Variants in SEMA3A observed in about 807,000 individuals in gnomAD.
The protein encoded by SEMA3A is semaphorin 3A.
In SEMA3A, 29 loss-of-function variants were observed where a neutral mutation model predicts 97.9. The ratio of observed to expected loss-of-function variants is 0.30; its 90% CI spans 0.22 to 0.40. The LOEUF (loss-of-function observed/expected upper bound fraction) is 0.40. Ranked by LOEUF, SEMA3A falls within the 10% of genes least tolerant of loss-of-function variation. The pLI, the probability that SEMA3A is intolerant of heterozygous loss-of-function variation, is 1.00. For missense variants in SEMA3A, 763 were observed against 951.3 expected, an observed-to-expected ratio of 0.80 and a Z score of 2.60; for synonymous variants, 321 against 323.7, an observed-to-expected ratio of 0.99 and a Z score of 0.09.
At chr7:84,215,697 C>G (rs774577844) in intron 3 of SEMA3A, among the ~76,000 whole-genome samples, 5 of 152,158 alleles carry the variant, frequency 3.3e-5, no homozygotes, top group Non-Finnish European at 7.3e-5. Context: ...ATTCCATATT[C>G]CTAGCATTTG....
chr7:83,994,704 C>G (rs1164855187), intron 12 of SEMA3A, among the ~76,000 whole-genome samples: 1 of 148,478 alleles, frequency 6.7e-6, no homozygotes, highest in Non-Finnish European at 1.5e-5. Flanking sequence ...CTGGGAGAAC[C>G]ACTGCTCTCT....
intron 10 of SEMA3A, among the ~76,000 whole-genome samples, chr7:84,006,667 TTAAA>T (rs1328331985): frequency 6.6e-6 from 1 of 152,214 alleles, no homozygotes; most frequent in Non-Finnish European, 1.5e-5. Flanking sequence ...AGTCTTACAC[TTAAA>T]TAATTTCTAC....
intron 2 of SEMA3A, among the ~76,000 whole-genome samples, chr7:84,365,070 A>C (rs560719268): frequency 1.3e-5 from 2 of 151,636 alleles, no homozygotes; most frequent in Non-Finnish European, 3.0e-5. Context: ...AAATATGACA[A>C]TTAAATAATA....
chr7:84,483,239 C>G (rs1281493574), intron 1 of SEMA3A, among the ~76,000 whole-genome samples: 2 of 152,102 alleles, frequency 1.3e-5, no homozygotes, highest in African/African-American at 4.8e-5. Context: ...CTTTTGTTAA[C>G]TATCTAGTTC....
intron 3 of SEMA3A, among the ~76,000 whole-genome samples, chr7:84,295,738 T>A (rs893530164): frequency 6.6e-6 from 1 of 152,124 alleles, no homozygotes; most frequent in African/African-American, 2.4e-5. Context: ...AATGATTGTT[T>A]TTCAACTACA....
chr7:84,316,130 CAAAAAA>C (rs202005657), intron 2 of SEMA3A, among the ~76,000 whole-genome samples: 784 of 30,112 alleles, frequency 0.026, 14 homozygotes, highest in East Asian at 0.12. Context: ...GACTCTATCT[CAAAAAA>C]AAAAAAAAAA....
intron 2 of SEMA3A, among the ~76,000 whole-genome samples, chr7:84,321,134 C>T (rs1801632368): frequency 6.6e-6 from 1 of 152,126 alleles, no homozygotes; most frequent in African/African-American, 2.4e-5. Context: ...GATTTGGACA[C>T]AATGTATGGA....
At chr7:84,138,619 AT>A (rs566060673) in intron 1 of SEMA3A, among the ~76,000 whole-genome samples, 1 of 152,062 alleles carries the variant, frequency 6.6e-6, no homozygotes, top group Admixed American at 6.6e-5. Flanking sequence ...CAACAGTTTG[AT>A]TTTTTAAAAA....
chr7:84,335,513 A>G (rs17277678), intron 2 of SEMA3A, among the ~76,000 whole-genome samples: 32,375 of 152,192 alleles, frequency 0.21, 3,625 homozygotes, highest in Middle Eastern at 0.29. Flanking sequence ...TATCTATTAC[A>G]TACACACACA....
intron 1 of SEMA3A, among the ~76,000 whole-genome samples, chr7:84,425,876 A>ACC (rs71825898): frequency 0.015 from 1,205 of 81,928 alleles, 50 homozygotes; most frequent in Non-Finnish European, 6.3e-3. Flanking sequence ...ACACACACAC[A>ACC]CCCACACACA....
intron 1 of SEMA3A, among the ~76,000 whole-genome samples, chr7:84,424,591 A>C (rs1804712179): frequency 1.3e-5 from 1 of 75,120 alleles, no homozygotes; most frequent in Non-Finnish European, 2.1e-5. Context: ...TATTATATAT[A>C]ATATATAAAT....
chr7:84,295,584 T>C (rs1046297311), intron 3 of SEMA3A, among the ~76,000 whole-genome samples: 3 of 152,020 alleles, frequency 2.0e-5, no homozygotes, highest in African/African-American at 4.8e-5. Context: ...AATTCTTTCG[T>C]CCTTATACTT....
At chr7:84,242,056 T>C (rs1799376474) in intron 3 of SEMA3A, among the ~76,000 whole-genome samples, 3 of 152,202 alleles carry the variant, frequency 2.0e-5, no homozygotes, top group Admixed American at 2.0e-4. Context: ...TCAAGTCAGG[T>C]AGCATGATGC....
intron 4 of SEMA3A, among the ~76,000 whole-genome samples, chr7:84,061,595 A>C (rs1489241322): frequency 6.6e-6 from 1 of 152,188 alleles, no homozygotes; most frequent in Non-Finnish European, 1.5e-5. Context: ...TATTCACATA[A>C]AAGTATTTTC....
chr7:84,481,281 C>T (rs1806438714), intron 1 of SEMA3A, among the ~76,000 whole-genome samples: 1 of 152,112 alleles, frequency 6.6e-6, no homozygotes, highest in Non-Finnish European at 1.5e-5. Flanking sequence ...TTGCATGTGT[C>T]TCATTATTAA....
intron 1 of SEMA3A, among the ~76,000 whole-genome samples, chr7:84,137,689 T>TAAAAAAAAAAAAAAAAAAAAAAAA (rs58880773): frequency 1.2e-5 from 1 of 85,276 alleles, no homozygotes; most frequent in Non-Finnish European, 2.3e-5. Context: ...GGCCAAACTT[T>TAAAAAAAAAAAAAAAAAAAAAAAA]AAAAAAAAAA....
chr7:84,098,643 T>C (rs1794852109), intron 4 of SEMA3A, among the ~76,000 whole-genome samples: 2 of 152,130 alleles, frequency 1.3e-5, no homozygotes, highest in South Asian at 4.1e-4. Context: ...AATGCTACTT[T>C]CAAGAAGGTT....
At chr7:84,354,948 A>G (rs1040296867) in intron 2 of SEMA3A, among the ~76,000 whole-genome samples, 12 of 151,778 alleles carry the variant, frequency 7.9e-5, no homozygotes, top group African/African-American at 2.4e-4. Flanking sequence ...CAACTAAGTC[A>G]TAAAATCAGT....
At chr7:84,461,592 T>C (rs1452915018) in intron 1 of SEMA3A, among the ~76,000 whole-genome samples, 1 of 151,990 alleles carries the variant, frequency 6.6e-6, no homozygotes, top group Non-Finnish European at 1.5e-5. Context: ...GAACAAACAA[T>C]GGAGATGTCT....
Sources: allele counts gnomAD v4.1 joint callset (sites outside exome capture counted in the v4.1 genomes callset), GRCh38; gene constraint gnomAD v4.1.1; transcripts MANE v1.5; gene names NCBI Gene and HGNC (gene_info 2026-07-23, HGNC 2026-07-21).